SMG1: variants seen among roughly 807,000 people sequenced by gnomAD.
SMG1 encodes the protein serine/threonine-protein kinase SMG1.
Under a neutral mutation model 419.9 loss-of-function variants are expected in SMG1, and 22 were observed. The ratio of observed to expected loss-of-function variants is 0.05; its 90% CI spans 0.04 to 0.07. The LOEUF (loss-of-function observed/expected upper bound fraction) is 0.07. Among genes scored for constraint, SMG1 ranks in the 10% least tolerant of loss-of-function variants. The pLI, the probability that SMG1 is intolerant of heterozygous loss-of-function variation, is 1.00. For missense variants in SMG1, 3,185 were observed against 4,342.0 expected (o/e 0.73, Z 7.49); for synonymous variants, 1,538 against 1,553.5 (o/e 0.99, Z 0.23).
chr16:18,900,012 T>A (rs2037284743), intron 1 of SMG1: 1 of 1,531,170 alleles, frequency 6.5e-7, no homozygotes, highest in Non-Finnish European at 8.7e-7. Context: ...CTGTATAATA[T>A]GGAGCCTTTG....
chr16:18,871,286 A>G (rs2035801980), intron 16 of SMG1, 78 bp downstream of exon 16: 1 of 651,532 alleles, frequency 1.5e-6, no homozygotes, highest in Admixed American at 3.5e-5. Context: ...AGCTCGATTC[A>G]TGACCATCTC....
Position 18,833,134 on chromosome 16 carries a change from A to G in SMG1, c.8598T>C (p.Phe2866=). 6.2e-7 allele frequency: 1 copy of G among 1,613,944 alleles called. No individual in the cohort carries two copies. Among genetic ancestry groups the G allele is most frequent in the African/African-American group, 1.3e-5 (1 of 75,060 alleles). ...TCATTAAACATCGAAGTGCTTCTGG[A>G]AATATGATTTGCCGGAAATTCGAAT... ...ELNSNFRQII[F]PEALRCLMKG... is the part of the protein sequence containing the mutation. Residue 2866 remains phenylalanine, a synonymous_variant, in exon 51 of 63, where the codon TTT becomes TTC. Transcript: ENST00000446231.
chr16:18,874,051 C>T (rs1356272214), intron 13 of SMG1, among the ~76,000 whole-genome samples: 2 of 152,324 alleles, frequency 1.3e-5, no homozygotes, highest in Non-Finnish European at 2.9e-5. Context: ...AATCAAACAA[C>T]CCAGAGCACA....
intron 55 of SMG1, among the ~76,000 whole-genome samples, chr16:18,827,476 A>G (rs1411412222): frequency 1.4e-5 from 2 of 145,370 alleles, no homozygotes; most frequent in Non-Finnish European, 1.5e-5. Context: ...ATATTTTTAT[A>G]TATATTTGGT....
At chr16:18,859,340 C>T in intron 27 of SMG1, 159 bp from the exon 28 acceptor site, 2 of 661,192 alleles carry the variant, frequency 3.0e-6, no homozygotes, top group Non-Finnish European at 5.1e-6. Context: ...CAAGTCAAGA[C>T]ATTTGCTTTT....
chr16:18,872,582 T>G lies in SMG1; in HGVS notation c.1933A>C (p.Asn645His), dbSNP rs1457008355. The change falls in exon 14 of 63, where the codon AAT becomes CAT. Residue 645 changes from asparagine (N) to histidine (H), a missense_variant. Transcript: ENST00000446231. ...AGGTCACTGTGCACAATCATCAGAT[T>G]CTTACTCAGAAGTGCAAAGACAGTT... Reference protein sequence around the residue: ...SPTVFALLSKNLMIVHSDLAV... With the variant: ...SPTVFALLSKHLMIVHSDLAV... 2 of 1,492,064 alleles carry G rather than the reference T, an allele frequency of 1.3e-6. No individual in the cohort carries two copies. Among genetic ancestry groups the G allele is most frequent in the African/African-American group, 2.8e-5 (2 of 71,766 alleles). 92.4% of individuals were successfully genotyped at this position (1,492,064 alleles called of 1,614,324 possible).
At chr16:18,859,881 G>A (rs2035121528) in intron 26 of SMG1, among the ~76,000 whole-genome samples, 178 bp from the exon 27 acceptor site, 2 of 151,430 alleles carry the variant, frequency 1.3e-5, no homozygotes, top group Non-Finnish European at 2.9e-5. Flanking sequence ...CAAAATTACT[G>A]TACCTCAGAC....
chr16:18,877,738 AG>A (rs941519765), intron 11 of SMG1: 1 of 153,102 alleles, frequency 6.5e-6, no homozygotes, highest in African/African-American at 2.4e-5. Context: ...TCTAAAAAAT[AG>A]TCTTTTAATT....
intron 39 of SMG1, 58 bp from the exon 40 acceptor site, chr16:18,842,512 C>A: frequency 6.5e-7 from 1 of 1,544,052 alleles, no homozygotes; most frequent in Admixed American, 1.8e-5. Context: ...TTATTTTCTT[C>A]CACATTCAAT....
chr16:18,842,848 A>C (rs1311354615), intron 39 of SMG1, among the ~76,000 whole-genome samples: 4 of 152,138 alleles, frequency 2.6e-5, no homozygotes, highest in African/African-American at 9.7e-5. Context: ...CAACAAAACT[A>C]AATTTTAAAA....
intron 13 of SMG1, 92 bp from the exon 14 acceptor site, chr16:18,872,716 AT>A: frequency 8.8e-7 from 1 of 1,137,552 alleles, no homozygotes; most frequent in Non-Finnish European, 1.2e-6. Context: ...GTATCTGGAC[AT>A]TTTTAAATTA....
intron 9 of SMG1, among the ~76,000 whole-genome samples, chr16:18,883,082 A>C (rs532013548): frequency 1.3e-4 from 20 of 152,332 alleles, no homozygotes; most frequent in East Asian, 9.6e-4. Context: ...AGAGTAAACA[A>C]ATCAGTACAG....
At chr16:18,817,131 G>T (rs1429447641) in intron 57 of SMG1, among the ~76,000 whole-genome samples, 160 bp downstream of exon 57, 2 of 124,694 alleles carry the variant, frequency 1.6e-5, no homozygotes, top group Non-Finnish European at 3.4e-5. Flanking sequence ...GGGGGGGGGC[G>T]CTAAGAAAAT....
At chr16:18,866,832 T>C (rs2035538380) in intron 22 of SMG1, 57 bp from the exon 23 acceptor site, 3 of 1,493,704 alleles carry the variant, frequency 2.0e-6, no homozygotes, top group Middle Eastern at 2.3e-4. Flanking sequence ...TAAATCCCTA[T>C]AAAATTTACA....
At chr16:18,870,025 A>C in intron 18 of SMG1, 31 bp from the exon 19 acceptor site, 3 of 1,488,220 alleles carry the variant, frequency 2.0e-6, no homozygotes, top group Non-Finnish European at 2.7e-6. Flanking sequence ...TGTTATGCAA[A>C]ATATTTTAGC....
At chr16:18,922,696 T>G (rs1029821394) in intron 1 of SMG1, among the ~76,000 whole-genome samples, 1 of 152,094 alleles carries the variant, frequency 6.6e-6, no homozygotes, top group Admixed American at 6.5e-5. Context: ...GCCAGGCTGG[T>G]CTCGAATTCC....
chr16:18,835,184 G>T lies in SMG1; in HGVS notation c.8058-20C>A. 6.3e-7 allele frequency: 1 copy of T among 1,593,098 alleles called. No individual in the cohort carries two copies. Among genetic ancestry groups the T allele is most frequent in the South Asian group, 1.1e-5 (1 of 89,596 alleles). ...TCATATCTATAAAAATAAGGAAGAGGTGCTTGTTTATAACACAACCACCCC... is the reference window on the plus strand; with the variant it reads ...TCATATCTATAAAAATAAGGAAGAGTTGCTTGTTTATAACACAACCACCCC... On this transcript the variant is annotated intron_variant, in intron 48 of 62. Transcript: ENST00000446231.
chr16:18,880,552 A>T (rs568639678), intron 10 of SMG1, among the ~76,000 whole-genome samples: 2 of 151,902 alleles, frequency 1.3e-5, no homozygotes, highest in Non-Finnish European at 2.9e-5. Flanking sequence ...ATCTCTACTA[A>T]ATTTGTTTTT....
intron 1 of SMG1, chr16:18,899,883 T>C: frequency 1.5e-6 from 1 of 687,914 alleles, no homozygotes; most frequent in South Asian, 1.6e-5. Flanking sequence ...AAAAATATCA[T>C]GGAGAGAAAA....
Sources: allele counts gnomAD v4.1 joint callset (sites outside exome capture counted in the v4.1 genomes callset), GRCh38; gene constraint gnomAD v4.1.1; transcripts MANE v1.5; gene names NCBI Gene and HGNC (gene_info 2026-07-23, HGNC 2026-07-21).